Variants in SLC26A3 observed in about 807,000 individuals in gnomAD.
The protein encoded by SLC26A3 is solute carrier family 26 member 3, also known as chloride anion exchanger.
A neutral mutation model predicts 85.6 loss-of-function variants in SLC26A3; 64 were observed. The ratio of observed to expected loss-of-function variants is 0.75; its 90% CI spans 0.61 to 0.92. The LOEUF is 0.92. Among genes scored for constraint, SLC26A3 ranks in the 40% least tolerant of loss-of-function variants. SLC26A3 has a pLI of 0.00. For synonymous variants in SLC26A3, 349 were observed against 336.0 expected, an observed-to-expected ratio of 1.04 and a Z score of -0.42; for missense variants, 922 against 927.3, an observed-to-expected ratio of 0.99 and a Z score of 0.07.
intron 5 of SLC26A3, 36 bp downstream of exon 5, chr7:107,791,012 G>C (rs1794389204): frequency 1.2e-6 from 2 of 1,604,154 alleles, no homozygotes; most frequent in African/African-American, 2.7e-5. Context: ...AAGATGAACA[G>C]ATTGAGGTGG....
intron 2 of SLC26A3, 45 bp from the exon 3 acceptor site, chr7:107,793,926 T>C: frequency 4.3e-6 from 7 of 1,613,544 alleles, no homozygotes; most frequent in Non-Finnish European, 5.9e-6. Context: ...ATATCAAATT[T>C]TAAGTTTAGT....
chr7:107,794,336 CA>C (rs771977811), intron 2 of SLC26A3, 42 bp downstream of exon 2: 5 of 1,610,126 alleles, frequency 3.1e-6, no homozygotes, highest in South Asian at 2.2e-5. Flanking sequence ...GAAAGTGCTT[CA>C]AAAATGTATT....
rs1794446946 is a variant in SLC26A3, at chr7:107,793,824, C to T, written c.189G>A (p.Trp63Ter). Residue 63 changes from tryptophan (W) to a stop codon, truncating the protein, a stop_gained, in exon 3 of 21, where the codon TGG becomes TGA. Coordinates refer to ENST00000340010, the MANE Select transcript of SLC26A3 (RefSeq NM_000111.3). LOFTEE classifies it high-confidence loss of function. ...IVLSLFPIAS[W>*]LPAYRLKEWL... ...ATTCTTTAAGCCGGTATGCTGGCAA[C>T]CAAGATGCTATGGGGAACAAAGAGA... 1 of 1,614,062 alleles carries T rather than the reference C, an allele frequency of 6.2e-7. No homozygotes were observed. Among genetic ancestry groups the T allele is most frequent in the African/African-American group, 1.3e-5 (1 of 75,022 alleles).
intron 1 of SLC26A3, among the ~76,000 whole-genome samples, chr7:107,802,859 T>G (rs1013130876): frequency 6.6e-6 from 1 of 151,930 alleles, no homozygotes; most frequent in Non-Finnish European, 1.5e-5. Context: ...CTAATATCTT[T>G]GAAAAGGCTA....
rs1158545940 is a variant in SLC26A3, at chr7:107,765,584, A to G, written c.*271T>C. The G allele has an allele frequency of 2.4e-6, 1 of 414,792 alleles. No individual in the cohort carries two copies. The highest frequency in any genetic ancestry group is 4.4e-6 in the Non-Finnish European group (1 of 229,878). 25.7% of individuals were successfully genotyped at this position (414,792 alleles called of 1,614,324 possible). On this transcript the variant is annotated 3_prime_UTR_variant, in exon 21 of 21. Transcript: ENST00000340010. The stretch of plus-strand genomic sequence containing the variant: ...CCTATGCATGAAGGTAGTGACTAGG[A>G]TGGAAATCTGTCAGTGCTACAAAAA...
rs1383085147 is a variant in SLC26A3, at chr7:107,793,759, A to T, written c.254T>A (p.Ile85Asn). The T allele has an allele frequency of 1.2e-6, 2 of 1,614,058 alleles. No homozygotes were observed. Among genetic ancestry groups the T allele is most frequent in the Admixed American group, 1.7e-5 (1 of 60,018 alleles). The part of the protein sequence containing the change: ...SDIVSGISTG[I>N]VAVLQGLAFA... ...AATTTTACCTTGTAGTACGGCCACA[A>T]TCCCTGTGCTGATACCAGAAACAAT... The change falls in exon 3 of 21, where the codon ATT becomes AAT. Residue 85 changes from isoleucine to asparagine, a missense_variant. Coordinates refer to ENST00000340010, the MANE Select transcript of SLC26A3 (RefSeq NM_000111.3).
At chr7:107,778,135 G>T in intron 13 of SLC26A3, 40 bp downstream of exon 13, 3 of 1,408,136 alleles carry the variant, frequency 2.1e-6, no homozygotes, top group Non-Finnish European at 2.0e-6. Context: ...ATTTGGGCAG[G>T]TCCAAGCCTG....
chr7:107,776,027 T>C (rs753499371), intron 15 of SLC26A3: 1 of 255,978 alleles, frequency 3.9e-6, no homozygotes, highest in Non-Finnish European at 7.6e-6. Flanking sequence ...ACACTCAGTA[T>C]GTATTGTTAT....
At position 107,793,742 on chromosome 7, in the gene SLC26A3, C is replaced by CTT. The variant is rs386833476; in HGVS notation, c.269_270dup (p.Gly91LysfsTer3). On this transcript the variant is annotated frameshift_variant and splice_region_variant, in exon 3 of 21. Transcript: ENST00000340010. LOFTEE classifies it high-confidence loss of function. ...AAATTATACTTAAAAAAAATTTTAC[C>CTT]TTGTAGTACGGCCACAATCCCTGTG... The CTT allele has an allele frequency of 3.7e-6, 6 of 1,612,550 alleles. No individual in the cohort carries two copies. The East Asian group carries it at 1.1e-4, about 30-fold the overall frequency.
chr7:107,795,737 T>G (rs1257046673), intron 1 of SLC26A3, among the ~76,000 whole-genome samples: 1 of 152,194 alleles, frequency 6.6e-6, no homozygotes, highest in Non-Finnish European at 1.5e-5. Flanking sequence ...ATTTTTTCCC[T>G]CTAATCTTGT....
chr7:107,771,120 A>G (rs1177412538), intron 18 of SLC26A3, among the ~76,000 whole-genome samples: 1 of 140,172 alleles, frequency 7.1e-6, no homozygotes, highest in Non-Finnish European at 1.5e-5. Flanking sequence ...GGAAATATTT[A>G]TAGGACCTGG....
intron 13 of SLC26A3, 72 bp downstream of exon 13, chr7:107,778,103 T>G: frequency 1.0e-6 from 1 of 993,922 alleles, no homozygotes; most frequent in Non-Finnish European, 1.6e-6. Context: ...TTTTAGCCAG[T>G]GACATTTTTT....
At chr7:107,765,973 G>T in intron 20 of SLC26A3, 95 bp from the exon 21 acceptor site, 6 of 925,606 alleles carry the variant, frequency 6.5e-6, no homozygotes, top group African/African-American at 1.7e-5. Context: ...GAGTTAACAG[G>T]TTTTTTTTTT....
intron 12 of SLC26A3, among the ~76,000 whole-genome samples, chr7:107,778,660 G>A (rs1794169198): frequency 6.6e-6 from 1 of 152,016 alleles, no homozygotes; most frequent in African/African-American, 2.4e-5. Context: ...AATTACTTTT[G>A]CACCAACCTA....
intron 2 of SLC26A3, 72 bp downstream of exon 2, chr7:107,794,307 A>G: frequency 1.3e-6 from 2 of 1,562,076 alleles, no homozygotes; most frequent in Non-Finnish European, 1.8e-6. Flanking sequence ...GGAGAGTTGG[A>G]AAGTTAGAAA....
At chr7:107,782,548 A>G (rs1794229679) in intron 11 of SLC26A3, among the ~76,000 whole-genome samples, 1 of 152,152 alleles carries the variant, frequency 6.6e-6, no homozygotes, top group Admixed American at 6.5e-5. Context: ...CATTAATTCT[A>G]TTTGGGGCTA....
intron 8 of SLC26A3, among the ~76,000 whole-genome samples, chr7:107,784,272 GTTTTTGT>G (rs1249326832): frequency 1.3e-5 from 2 of 152,128 alleles, no homozygotes; most frequent in Non-Finnish European, 2.9e-5. Context: ...AGCTTGGAAT[GTTTTTGT>G]TTTTTAATAA....
chr7:107,772,521 G>A (rs1794043882), intron 17 of SLC26A3, among the ~76,000 whole-genome samples: 1 of 152,210 alleles, frequency 6.6e-6, no homozygotes, highest in African/African-American at 2.4e-5. Flanking sequence ...ATGAATGGAT[G>A]TATCTAGCAC....
chr7:107,801,707 G>C (rs1467535097), intron 1 of SLC26A3, among the ~76,000 whole-genome samples: 1 of 152,096 alleles, frequency 6.6e-6, no homozygotes, highest in African/African-American at 2.4e-5. Context: ...TATCCAGAGG[G>C]AGAAGGCAAA....
Sources: gnomAD v4.1 joint callset for allele counts (sites outside exome capture counted in the v4.1 genomes callset) on GRCh38, gnomAD v4.1.1 for gene constraint, MANE v1.5 for transcripts, NCBI Gene and HGNC (gene_info 2026-07-23, HGNC 2026-07-21) for gene names.